CCNT2: variants seen among roughly 807,000 people sequenced by gnomAD.
CCNT2 encodes cyclin-T2.
CCNT2 carries 18 observed loss-of-function variants against 70.0 expected under a neutral mutation model. The ratio of observed to expected loss-of-function variants is 0.26; its 90% CI spans 0.18 to 0.38. CCNT2 has a LOEUF of 0.38. CCNT2 is among the 10% of genes least tolerant of loss of function. The probability of loss-of-function intolerance (pLI) is 1.00; values close to 1 mark genes in which losing one functional copy is unlikely to be tolerated. For missense variants in CCNT2, 734 were observed against 890.2 expected, an observed-to-expected ratio of 0.82 and a Z score of 2.23; for synonymous variants, 334 against 313.3, an observed-to-expected ratio of 1.07 and a Z score of -0.70.
intron 3 of CCNT2, among the ~76,000 whole-genome samples, chr2:134,938,358 C>G (rs1441590268): frequency 6.6e-6 from 1 of 152,226 alleles, no homozygotes; most frequent in Non-Finnish European, 1.5e-5. Flanking sequence ...TCACTTTGGT[C>G]AATTGTCATG....
intron 7 of CCNT2, among the ~76,000 whole-genome samples, 153 bp downstream of exon 7, chr2:134,948,052 G>A (rs1188123706): frequency 6.6e-6 from 1 of 152,160 alleles, no homozygotes; most frequent in African/African-American, 2.4e-5. Context: ...TGGAAGCTGT[G>A]CTCATACCTG....
At chr2:134,952,926 A>T in intron 8 of CCNT2, 1 of 499,028 alleles carries the variant, frequency 2.0e-6, no homozygotes, top group Non-Finnish European at 3.5e-6. Context: ...AGTGATTATG[A>T]CAAAAGTATC....
chr2:134,937,162 A>G (rs576282842), intron 3 of CCNT2, among the ~76,000 whole-genome samples, 193 bp downstream of exon 3: 5 of 152,352 alleles, frequency 3.3e-5, no homozygotes, highest in African/African-American at 1.2e-4. Flanking sequence ...TTTGGATGTC[A>G]TTCTGAATTA....
In CCNT2 at chr2:134,953,664, T is replaced by C; in HGVS notation, c.1209T>C (p.His403=). Residue 403 remains histidine, a synonymous_variant, in exon 9 of 9, where the codon CAT becomes CAC. Coordinates refer to ENST00000264157, the MANE Select transcript of CCNT2 (RefSeq NM_058241.3). ...ACAGACCTGACAAAATTTCAGATCA[T>C]TCTTCTGTTAAGCAAGAATATACTC... ...LHHRPDKISD[H]SSVKQEYTHK... is the part of the protein sequence containing the mutation. The C allele has an allele frequency of 8.7e-6, 14 of 1,614,162 alleles. No homozygotes were observed. The highest frequency in any genetic ancestry group is 1.2e-5 in the Non-Finnish European group (14 of 1,180,000).
At chr2:134,926,483 C>T (rs1424059970) in intron 2 of CCNT2, among the ~76,000 whole-genome samples, 1 of 152,142 alleles carries the variant, frequency 6.6e-6, no homozygotes, top group African/African-American at 2.4e-5. Flanking sequence ...GGAAGAGAAC[C>T]TTGGAAGATC....
In CCNT2 at chr2:134,939,413, G is replaced by A. The variant is rs550247846; in HGVS notation, c.430+351G>A. On this transcript the variant is annotated intron_variant, in intron 4 of 8. Coordinates refer to ENST00000264157, the MANE Select transcript of CCNT2 (RefSeq NM_058241.3). ...CTACACAGCAATCCTTATTCTCCTC[G>A]AGCTGCCAGTCAGTATTTTATGAGT... Among the ~76,000 whole-genome samples, 3 of 151,952 alleles carry A rather than the reference G, an allele frequency of 2.0e-5. 1 individual carries two copies. The highest frequency in any genetic ancestry group is 1.3e-4 in the Admixed American group (2 of 15,268).
intron 8 of CCNT2, 59 bp downstream of exon 8, chr2:134,952,770 T>A: frequency 2.5e-6 from 3 of 1,204,674 alleles, no homozygotes; most frequent in Non-Finnish European, 3.6e-6. Flanking sequence ...TTTACATAGC[T>A]AACCAGTTTG....
intron 2 of CCNT2, among the ~76,000 whole-genome samples, chr2:134,936,434 C>T (rs2105047936): frequency 6.6e-6 from 1 of 152,176 alleles, no homozygotes; most frequent in East Asian, 1.9e-4. Context: ...GCATTCCTTC[C>T]TTGCACACCC....
intron 5 of CCNT2, chr2:134,943,682 A>G (rs186615342): frequency 2.5e-5 from 25 of 984,816 alleles, no homozygotes; most frequent in East Asian, 1.1e-4. Context: ...TGAATCCTAT[A>G]TATCTGTTGT....
In CCNT2 at chr2:134,954,501, C is replaced by A; in HGVS notation, c.2046C>A (p.Ser682Arg). Residue 682 changes from serine (S) to arginine (R), a missense_variant, in exon 9 of 9, where the codon AGC becomes AGA. Around this residue, in one of 3 missense-constraint regions of CCNT2, gnomAD observed 532 missense variants for 556.9 expected, o/e 0.96. Coordinates refer to ENST00000264157, the MANE Select transcript of CCNT2 (RefSeq NM_058241.3). ...VTYQVGYGHL[S>R]TLVKLDKKPV... Reference sequence around the variant, plus strand: ...ACCAGGTGGGCTACGGACATCTCAGCACCCTCGTGAAACTGGACAAGAAGC... The same window carrying A: ...ACCAGGTGGGCTACGGACATCTCAGAACCCTCGTGAAACTGGACAAGAAGC... 1 of 1,614,178 alleles carries A rather than the reference C, an allele frequency of 6.2e-7. No individual in the cohort carries two copies. Among genetic ancestry groups the A allele is most frequent in the Non-Finnish European group, 8.5e-7 (1 of 1,180,020 alleles).
intron 2 of CCNT2, among the ~76,000 whole-genome samples, chr2:134,934,000 A>G (rs562181618): frequency 2.0e-5 from 3 of 152,320 alleles, no homozygotes; most frequent in Admixed American, 6.5e-5. Flanking sequence ...CAGCATGGCT[A>G]TGGCTGGCTC....
chr2:134,924,684 G>A (rs1372990134), intron 2 of CCNT2, among the ~76,000 whole-genome samples: 1 of 152,006 alleles, frequency 6.6e-6, no homozygotes, highest in Non-Finnish European at 1.5e-5. Flanking sequence ...TCCTGACCTC[G>A]TGATTCCCCC....
intron 4 of CCNT2, among the ~76,000 whole-genome samples, chr2:134,941,834 T>C (rs1170232152): frequency 3.9e-5 from 6 of 152,222 alleles, no homozygotes; most frequent in East Asian, 1.9e-4. Context: ...TTAGAAGATA[T>C]GCCTCTATGG....
At chr2:134,931,800 CTG>C (rs1236312816) in intron 2 of CCNT2, among the ~76,000 whole-genome samples, 2 of 152,132 alleles carry the variant, frequency 1.3e-5, no homozygotes, top group African/African-American at 2.4e-5. Flanking sequence ...GGATCTCACT[CTG>C]TTGCTCAGGC....
At chr2:134,925,659 A>G (rs1223226264) in intron 2 of CCNT2, among the ~76,000 whole-genome samples, 1 of 152,066 alleles carries the variant, frequency 6.6e-6, no homozygotes, top group Non-Finnish European at 1.5e-5. Flanking sequence ...CACATTATAT[A>G]TATATGTTCA....
Position 134,943,008 on chromosome 2 carries a change from T to C in CCNT2, c.493+334T>C, listed in dbSNP as rs1681682081. On this transcript the variant is annotated intron_variant, in intron 5 of 8. Coordinates refer to ENST00000264157, the MANE Select transcript of CCNT2 (RefSeq NM_058241.3). ...AATAGTGCATAGGTTCAGAAAATAA[T>C]ATTAATTTTGGGTTTGTGTCAAACT... 1.8e-5 allele frequency: 18 copies of C among 985,218 alleles called. No homozygotes were observed. In the South Asian group the frequency reaches 6.1e-4, roughly 33 times the overall value. 61.0% of individuals were successfully genotyped at this position (985,218 alleles called of 1,614,324 possible).
chr2:134,940,778 G>T (rs1400014914), intron 4 of CCNT2, among the ~76,000 whole-genome samples: 2 of 152,152 alleles, frequency 1.3e-5, no homozygotes, highest in Non-Finnish European at 2.9e-5. Context: ...AATACCATGG[G>T]ACCCATACAA....
chr2:134,946,105 C>T lies in CCNT2; in HGVS notation c.498C>T (p.Ser166=), dbSNP rs1465817108. The T allele has an allele frequency of 6.2e-7, 1 of 1,609,772 alleles. No individual in the cohort carries two copies. Among genetic ancestry groups the T allele is most frequent in the Non-Finnish European group, 8.5e-7 (1 of 1,179,336 alleles). The change falls in exon 6 of 9, where the codon AGC becomes AGT. Residue 166 remains serine, a synonymous_variant. Coordinates refer to ENST00000264157, the MANE Select transcript of CCNT2 (RefSeq NM_058241.3). ...GTTTTTTTTTTTTTCTTACAGCAAG[C>T]AAGGATTTGGCACAGACATCCTATT... ...VVKCTQLVRA[S]KDLAQTSYFM...
intron 5 of CCNT2, chr2:134,943,028 C>T (rs910080101): frequency 2.0e-6 from 2 of 985,208 alleles, no homozygotes; most frequent in Non-Finnish European, 2.4e-6. Flanking sequence ...GGGTTTGTGT[C>T]AAACTTTGAC....
Sources: gnomAD v4.1 joint callset for allele counts (sites outside exome capture counted in the v4.1 genomes callset) on GRCh38, gnomAD v4.1.1 for gene constraint, gnomAD v4.1.1 regional missense constraint, MANE v1.5 for transcripts, NCBI Gene and HGNC (gene_info 2026-07-23, HGNC 2026-07-21) for gene names.